Variants in ATP6V1E1 observed in about 807,000 individuals in gnomAD.
ATP6V1E1 encodes ATPase H+ transporting V1 subunit E1, also known as V-type proton ATPase subunit E 1.
Under a neutral mutation model 35.2 loss-of-function variants are expected in ATP6V1E1, and 21 were observed. The observed-to-expected ratio is 0.60, with a 90% CI of 0.42 to 0.86. ATP6V1E1 has a LOEUF of 0.86. Among genes scored for constraint, ATP6V1E1 ranks in the 40% least tolerant of loss-of-function variants. The probability of loss-of-function intolerance (pLI) is 0.00; values close to 1 mark genes in which losing one functional copy is unlikely to be tolerated. For synonymous variants in ATP6V1E1, 83 were observed against 87.8 expected, an observed-to-expected ratio of 0.95 and a Z score of 0.30; for missense variants, 183 against 272.6, an observed-to-expected ratio of 0.67 and a Z score of 2.32.
At chr22:17,612,900 T>C (rs1459065224) in intron 3 of ATP6V1E1, 22 bp from the exon 4 acceptor site, 9 of 1,590,448 alleles carry the variant, frequency 5.7e-6, no homozygotes, top group Non-Finnish European at 6.8e-6. Flanking sequence ...TATTGAAAAA[T>C]AGCATTAGTA....
intron 7 of ATP6V1E1, chr22:17,597,956 C>T (rs193063302): frequency 3.7e-4 from 178 of 480,906 alleles, no homozygotes; most frequent in East Asian, 1.5e-3. Context: ...GGATTACAGG[C>T]GTGAGCCACC....
chr22:17,609,004 G>A (rs890684459), intron 4 of ATP6V1E1, among the ~76,000 whole-genome samples: 5 of 151,878 alleles, frequency 3.3e-5, no homozygotes, highest in African/African-American at 4.8e-5. Context: ...GGAGACTGGC[G>A]TGAACCCGGG....
At chr22:17,601,437 A>C (rs1406851454) in intron 4 of ATP6V1E1, among the ~76,000 whole-genome samples, 5 of 152,156 alleles carry the variant, frequency 3.3e-5, no homozygotes, top group Admixed American at 3.3e-4. Flanking sequence ...TCAGAAACCG[A>C]CACAAGTGAC....
intron 8 of ATP6V1E1, among the ~76,000 whole-genome samples, 176 bp from the exon 9 acceptor site, chr22:17,592,912 C>G (rs983540334): frequency 1.3e-5 from 2 of 151,956 alleles, no homozygotes; most frequent in Non-Finnish European, 2.9e-5. Context: ...CTCAGCCTCC[C>G]AAGTAGATGG....
intron 2 of ATP6V1E1, among the ~76,000 whole-genome samples, chr22:17,618,255 A>G (rs1461306709): frequency 6.6e-6 from 1 of 152,240 alleles, no homozygotes; most frequent in Non-Finnish European, 1.5e-5. Context: ...ATCATACATT[A>G]CTTTTCTACC....
intron 2 of ATP6V1E1, among the ~76,000 whole-genome samples, chr22:17,616,286 T>C (rs1200641175): frequency 2.6e-5 from 4 of 152,180 alleles, no homozygotes; most frequent in Non-Finnish European, 4.4e-5. Flanking sequence ...AGGTGGGGGT[T>C]GTGGTGAGCC....
At chr22:17,609,003 C>T (rs1387560736) in intron 4 of ATP6V1E1, among the ~76,000 whole-genome samples, 2 of 151,832 alleles carry the variant, frequency 1.3e-5, no homozygotes, top group Non-Finnish European at 2.9e-5. Context: ...AGGAGACTGG[C>T]GTGAACCCGG....
At position 17,594,587 on chromosome 22, in the gene ATP6V1E1, T is replaced by C. The variant is rs1267820843; in HGVS notation, c.560A>G (p.Asp187Gly). ...GGTGTTGGAAACCTTTATTTTACGA[T>C]CTCCATTATAGATCTCAACTCCACC... ...IAGGVEIYNG[D>G]RKIKVSNTLE... is the part of the protein sequence containing the mutation. The change falls in exon 8 of 9, where the codon GAT becomes GGT. Residue 187 changes from aspartate to glycine, a missense_variant. Physicochemically the swap from Asp to Gly is moderately conservative, Grantham distance 94. Transcript: ENST00000253413. 4.4e-6 allele frequency: 7 copies of C among 1,593,750 alleles called. No individual in the cohort carries two copies. The highest frequency in any genetic ancestry group is 6.0e-6 in the Non-Finnish European group (7 of 1,170,722).
chr22:17,624,640 G>A (rs2057894570), intron 1 of ATP6V1E1, among the ~76,000 whole-genome samples: 1 of 152,022 alleles, frequency 6.6e-6, no homozygotes, highest in Non-Finnish European at 1.5e-5. Context: ...CCAACGTGGC[G>A]AATTCCCATG....
chr22:17,621,376 C>T (rs181687454), intron 1 of ATP6V1E1, among the ~76,000 whole-genome samples: 99 of 152,290 alleles, frequency 6.5e-4, no homozygotes, highest in Non-Finnish European at 1.3e-3. Flanking sequence ...ATGGCACAAT[C>T]CCGCCTCATT....
At chr22:17,605,545 A>G (rs1022637916) in intron 4 of ATP6V1E1, among the ~76,000 whole-genome samples, 2 of 152,138 alleles carry the variant, frequency 1.3e-5, no homozygotes, top group Admixed American at 1.3e-4. Flanking sequence ...AGAAAAAGAA[A>G]AAAGAAAACT....
Position 17,621,551 on chromosome 22 carries a change from T to G in ATP6V1E1, c.34-2025A>C, listed in dbSNP as rs575004747. On this transcript the variant is annotated intron_variant, in intron 1 of 8. Coordinates refer to ENST00000253413, the MANE Select transcript of ATP6V1E1 (RefSeq NM_001696.4). ...CTCAAGCGATCCTCCTGCCTTGGCT[T>G]CCCGAAGTGCTGGGATTTCAGGTGT... Among the ~76,000 whole-genome samples the G allele has an allele frequency of 3.9e-4, 59 of 152,290 alleles. No individual in the cohort carries two copies. In the East Asian group the frequency reaches 0.01, roughly 27 times the overall value.
At chr22:17,598,740 G>A (rs1246379700) in intron 6 of ATP6V1E1, among the ~76,000 whole-genome samples, 3 of 152,128 alleles carry the variant, frequency 2.0e-5, no homozygotes, top group African/African-American at 7.2e-5. Context: ...CATAAGGATG[G>A]TTCTTATCAA....
chr22:17,594,736 A>G, intron 7 of ATP6V1E1, 120 bp from the exon 8 acceptor site: 2 of 761,516 alleles, frequency 2.6e-6, no homozygotes, highest in East Asian at 6.6e-5. Flanking sequence ...AACCTAAGCA[A>G]CAGGCTTGAA....
chr22:17,593,275 A>C (rs562737037), intron 8 of ATP6V1E1, among the ~76,000 whole-genome samples: 132 of 150,844 alleles, frequency 8.8e-4, no homozygotes, highest in African/African-American at 1.8e-3. Context: ...CACATTAAAA[A>C]AAAACAAAAC....
chr22:17,613,891 C>T (rs895891068), intron 2 of ATP6V1E1, among the ~76,000 whole-genome samples: 5 of 152,132 alleles, frequency 3.3e-5, no homozygotes, highest in South Asian at 2.1e-4. Flanking sequence ...GGCGTGAACC[C>T]GGGAGGCAGA....
chr22:17,607,950 T>C (rs1167311508), intron 4 of ATP6V1E1, among the ~76,000 whole-genome samples: 1 of 152,206 alleles, frequency 6.6e-6, no homozygotes, highest in African/African-American at 2.4e-5. Flanking sequence ...TGGCCTGTTC[T>C]CTGCCCACTC....
chr22:17,612,342 G>A (rs1025426456), intron 4 of ATP6V1E1, among the ~76,000 whole-genome samples: 2 of 152,044 alleles, frequency 1.3e-5, no homozygotes, highest in African/African-American at 2.4e-5. Context: ...TTCCTTAGAG[G>A]ACTATAATAC....
intron 6 of ATP6V1E1, 114 bp from the exon 7 acceptor site, chr22:17,598,402 G>A: frequency 1.2e-6 from 1 of 814,338 alleles, no homozygotes. Flanking sequence ...TAAAAGAACA[G>A]AGGCACCGCT....
Sources: gnomAD v4.1 joint callset for allele counts (sites outside exome capture counted in the v4.1 genomes callset) on GRCh38, gnomAD v4.1.1 for gene constraint, MANE v1.5 for transcripts, NCBI Gene and HGNC (gene_info 2026-07-23, HGNC 2026-07-21) for gene names.